The following NCOA3 variants were observed in gnomAD, a reference collection of about 807,000 sequenced individuals.
NCOA3 encodes CBP-interacting protein.
NCOA3 carries 51 observed loss-of-function variants against 158.8 expected under a neutral mutation model. The observed-to-expected ratio is 0.32, with a 90% CI of 0.26 to 0.41. NCOA3 has a LOEUF of 0.41. Ranked by LOEUF, NCOA3 falls within the 10% of genes least tolerant of loss-of-function variation. The pLI is 1.00. For synonymous variants in NCOA3, 537 were observed against 592.4 expected (o/e 0.91, Z 1.36); for missense variants, 1,510 against 1,746.6 (o/e 0.86, Z 2.41).
rs1487593693 is a variant in NCOA3 at position 47,647,313 on chromosome 20, A to G, written c.3493A>G (p.Asn1165Asp). 2 of 1,614,032 alleles carry G rather than the reference A, an allele frequency of 1.2e-6. No homozygotes were observed. Among genetic ancestry groups the G allele is most frequent in the African/African-American group, 1.3e-5 (1 of 74,916 alleles). Residue 1165 changes from asparagine (N) to aspartate (D), a missense_variant, in exon 18 of 23, where the codon AAC becomes GAC. Transcript: ENST00000371998. ...AGCCAACATCATGAGACCCCGGACAAACACCCCCAAGCAACTTAGAATGCA... is the reference window on the plus strand; with the variant it reads ...AGCCAACATCATGAGACCCCGGACAGACACCCCCAAGCAACTTAGAATGCA... ...PRANIMRPRT[N>D]TPKQLRMQLQ...
chr20:47,580,500 GAGCCGAGATCATGCCCCACTGCACTCT>G (rs2085434943), intron 1 of NCOA3, among the ~76,000 whole-genome samples: 1 of 152,058 alleles, frequency 6.6e-6, no homozygotes, highest in South Asian at 2.1e-4. Context: ...AGGTTGCAAT[GAGCCGAGATCATGCCCCACTGCACTCT>G]AGCCTGTGCA....
chr20:47,527,612 G>T (rs1018045889), intron 1 of NCOA3, among the ~76,000 whole-genome samples: 1 of 152,148 alleles, frequency 6.6e-6, no homozygotes, highest in Non-Finnish European at 1.5e-5. Context: ...TGGGCAGAAG[G>T]TTTCATTTTC....
chr20:47,547,639 C>T (rs866246172), intron 1 of NCOA3, among the ~76,000 whole-genome samples: 5 of 151,830 alleles, frequency 3.3e-5, no homozygotes, highest in South Asian at 4.2e-4. Context: ...AGGATAGTCT[C>T]GATCTCCTGA....
intron 1 of NCOA3, among the ~76,000 whole-genome samples, chr20:47,512,336 T>C (rs796669483): frequency 4.6e-5 from 7 of 151,994 alleles, no homozygotes; most frequent in African/African-American, 1.7e-4. Context: ...TTTGGGAGGC[T>C]GAGGCGGGCG....
chr20:47,606,757 A>G (rs1213262211), intron 2 of NCOA3, among the ~76,000 whole-genome samples: 3 of 152,176 alleles, frequency 2.0e-5, no homozygotes, highest in Non-Finnish European at 4.4e-5. Flanking sequence ...TGAGTGACAA[A>G]CCATGGCTAT....
rs538261742 is a variant in NCOA3, at chr20:47,541,122, G to A, written c.-99+39103G>A. Among the ~76,000 whole-genome samples the A allele has an allele frequency of 2.0e-5, 3 of 151,432 alleles. 1 individual carries two copies. In the South Asian group the frequency reaches 6.3e-4, roughly 32 times the overall value. On this transcript the variant is annotated intron_variant, in intron 1 of 22. Transcript: ENST00000371998. ...ATGGAGAAAGTACTCAGTTTTAGAA[G>A]AAAAATCTTTGGGTGAAAAAAAAGA...
At chr20:47,518,639 C>T (rs2084274203) in intron 1 of NCOA3, among the ~76,000 whole-genome samples, 1 of 151,458 alleles carries the variant, frequency 6.6e-6, no homozygotes, top group Non-Finnish European at 1.5e-5. Flanking sequence ...TGGTCAGGCT[C>T]GTCTCGAACT....
chr20:47,511,995 C>G (rs1433729612), intron 1 of NCOA3, among the ~76,000 whole-genome samples: 1 of 151,932 alleles, frequency 6.6e-6, no homozygotes, highest in Non-Finnish European at 1.5e-5. Context: ...CAAAATTACA[C>G]TTGTACCCCA....
At chr20:47,531,523 A>G (rs1030047174) in intron 1 of NCOA3, among the ~76,000 whole-genome samples, 1 of 152,210 alleles carries the variant, frequency 6.6e-6, no homozygotes, top group Non-Finnish European at 1.5e-5. Context: ...GTAAAGCCAT[A>G]TTAATGCAGA....
intron 2 of NCOA3, among the ~76,000 whole-genome samples, chr20:47,617,048 C>G: frequency 6.6e-6 from 1 of 152,076 alleles, no homozygotes; most frequent in African/African-American, 2.4e-5. Flanking sequence ...TTCTGCCTCT[C>G]GGGTTTAAGC....
At chr20:47,522,188 C>T (rs1413498202) in intron 1 of NCOA3, among the ~76,000 whole-genome samples, 14 of 147,892 alleles carry the variant, frequency 9.5e-5, no homozygotes, top group Admixed American at 8.2e-4. Context: ...CTGCAAGCTC[C>T]GCCTCACTGG....
At chr20:47,530,969 CA>C (rs763842422) in intron 1 of NCOA3, among the ~76,000 whole-genome samples, 1 of 152,134 alleles carries the variant, frequency 6.6e-6, no homozygotes, top group Non-Finnish European at 1.5e-5. Context: ...ATTACAAATA[CA>C]TTGTAATTAT....
intron 1 of NCOA3, among the ~76,000 whole-genome samples, chr20:47,561,567 C>A (rs2085107207): frequency 6.6e-6 from 1 of 151,904 alleles, no homozygotes; most frequent in Non-Finnish European, 1.5e-5. Context: ...GATCCTCTTG[C>A]CTCAGCTTCC....
chr20:47,590,636 C>T (rs953932432), intron 2 of NCOA3, among the ~76,000 whole-genome samples: 1 of 152,106 alleles, frequency 6.6e-6, no homozygotes, highest in African/African-American at 2.4e-5. Flanking sequence ...GACCCCGTCT[C>T]TACAAAAATA....
At chr20:47,586,111 G>T (rs6090702) in intron 2 of NCOA3, among the ~76,000 whole-genome samples, 2,569 of 152,066 alleles carry the variant, frequency 0.017, 74 homozygotes, top group African/African-American at 0.059. Flanking sequence ...TAGAGACGGG[G>T]TTTCACCATG....
intron 1 of NCOA3, among the ~76,000 whole-genome samples, chr20:47,511,333 G>C (rs2084122811): frequency 6.9e-6 from 1 of 144,322 alleles, no homozygotes; most frequent in African/African-American, 2.6e-5. Context: ...CTGCAGCCTT[G>C]ACCACCAGGG....
chr20:47,635,698 T>G lies in NCOA3; in HGVS notation c.1489T>G (p.Phe497Val). The change falls in exon 11 of 23, where the codon TTT becomes GTT. Residue 497 changes from phenylalanine (F) to valine (V), a missense_variant. Physicochemically the swap from Phe to Val is conservative, Grantham distance 50. This residue lies in a region of NCOA3 where 1,017 missense variants were observed against 1,098.3 expected (regional missense o/e 0.93). Coordinates refer to ENST00000371998, the MANE Select transcript of NCOA3 (RefSeq NM_181659.3). ...RGSPKIASHQ[F>V]SPVAGVHSPM... ...GAGTCCAAAGATAGCCTCACATCAGTTTTCTCCTGTTGCAGGTATTTGTGT... is the reference window on the plus strand; with the variant it reads ...GAGTCCAAAGATAGCCTCACATCAGGTTTCTCCTGTTGCAGGTATTTGTGT... The G allele has an allele frequency of 6.2e-7, 1 of 1,613,138 alleles. No homozygotes were observed. The highest frequency in any genetic ancestry group is 8.5e-7 in the Non-Finnish European group (1 of 1,179,346).
intron 1 of NCOA3, among the ~76,000 whole-genome samples, chr20:47,534,654 C>T (rs1414547026): frequency 6.6e-6 from 1 of 152,176 alleles, no homozygotes; most frequent in Non-Finnish European, 1.5e-5. Flanking sequence ...CTGGTTCACA[C>T]CTGTAACCCC....
intron 1 of NCOA3, among the ~76,000 whole-genome samples, chr20:47,518,420 GTT>G (rs35593021): frequency 3.8e-5 from 5 of 132,884 alleles, no homozygotes; most frequent in South Asian, 2.4e-4. Context: ...TTCTTTTTCT[GTT>G]TTTTTTTTTT....
Sources: allele counts gnomAD v4.1 joint callset (sites outside exome capture counted in the v4.1 genomes callset), GRCh38; gene constraint gnomAD v4.1.1; regional missense constraint gnomAD v4.1.1; transcripts MANE v1.5; gene names NCBI Gene and HGNC (gene_info 2026-07-23, HGNC 2026-07-21).